Variants in RAP1GAP2 observed in about 807,000 individuals in gnomAD.
RAP1GAP2 encodes the protein rap1 GTPase-activating protein 2.
A neutral mutation model predicts 95.0 loss-of-function variants in RAP1GAP2; 27 were observed. The ratio of observed to expected loss-of-function variants is 0.28; its 90% CI spans 0.21 to 0.39. The LOEUF is 0.39. Ranked by LOEUF, RAP1GAP2 falls within the 10% of genes least tolerant of loss-of-function variation. The pLI is 1.00. For missense variants in RAP1GAP2, 771 were observed against 970.0 expected (o/e 0.79, Z 2.72); for synonymous variants, 373 against 380.9 (o/e 0.98, Z 0.24).
chr17:2,897,063 G>A lies in RAP1GAP2; in HGVS notation c.81-8221G>A, dbSNP rs1218810277. Among the ~76,000 whole-genome samples the A allele has an allele frequency of 4.1e-4, 63 of 152,342 alleles. 1 individual carries two copies. Among genetic ancestry groups the A allele is most frequent in the Admixed American group, 4.0e-3 (61 of 15,302 alleles). ...TTATAAACGGGTGTCCAGGCCAGGT[G>A]CGCTGGCTCACGCCTATAATCCCAG... On this transcript the variant is annotated intron_variant, in intron 2 of 24. Coordinates refer to ENST00000254695, the MANE Select transcript of RAP1GAP2 (RefSeq NM_015085.5).
Position 2,913,496 on chromosome 17 carries a change from T to C in RAP1GAP2, c.165+8128T>C, listed in dbSNP as rs550559997. Among the ~76,000 whole-genome samples the C allele has an allele frequency of 3.0e-4, 46 of 152,016 alleles. 1 individual carries two copies. The highest frequency in any genetic ancestry group is 1.1e-3 in the African/African-American group (46 of 41,458). Reference sequence around the variant, plus strand: ...TAGAGATGGGGTTTCACCATGTTGGTCAGGCTGCTCTCAAACTCCTGACCT... The same window carrying C: ...TAGAGATGGGGTTTCACCATGTTGGCCAGGCTGCTCTCAAACTCCTGACCT... On this transcript the variant is annotated intron_variant, in intron 3 of 24. Coordinates refer to ENST00000254695, the MANE Select transcript of RAP1GAP2 (RefSeq NM_015085.5).
chr17:2,883,107 A>T (rs1306588630), intron 2 of RAP1GAP2, among the ~76,000 whole-genome samples: 1 of 152,152 alleles, frequency 6.6e-6, no homozygotes, highest in African/African-American at 2.4e-5. Context: ...AGCAGCTTCC[A>T]GGGGCTACCT....
chr17:2,925,672 G>A (rs1048084510), intron 3 of RAP1GAP2, among the ~76,000 whole-genome samples: 1 of 152,184 alleles, frequency 6.6e-6, no homozygotes, highest in African/African-American at 2.4e-5. Flanking sequence ...GGTTGATTCT[G>A]GGGCTTGGAA....
At chr17:2,914,804 T>TG (rs1160363268) in intron 3 of RAP1GAP2, among the ~76,000 whole-genome samples, 1 of 131,546 alleles carries the variant, frequency 7.6e-6, no homozygotes, top group African/African-American at 2.9e-5. Flanking sequence ...CTTTTTTTTT[T>TG]TTTTTGAGAC....
chr17:2,840,953 G>A (rs1239100537), intron 2 of RAP1GAP2, among the ~76,000 whole-genome samples: 1 of 151,968 alleles, frequency 6.6e-6, no homozygotes, highest in Non-Finnish European at 1.5e-5. Context: ...AGCCGAGATT[G>A]CGCCACTGCA....
intron 2 of RAP1GAP2, among the ~76,000 whole-genome samples, chr17:2,874,228 A>C (rs951975545): frequency 2.0e-5 from 3 of 152,200 alleles, no homozygotes; most frequent in African/African-American, 7.2e-5. Context: ...CTGGGGAACA[A>C]TGGGTACACC....
At chr17:2,911,464 C>G (rs2042379367) in intron 3 of RAP1GAP2, among the ~76,000 whole-genome samples, 1 of 151,712 alleles carries the variant, frequency 6.6e-6, no homozygotes. Context: ...ATTTTCATGC[C>G]CCAATGGATC....
chr17:2,883,658 C>T (rs1173483202), intron 2 of RAP1GAP2, among the ~76,000 whole-genome samples: 7 of 152,180 alleles, frequency 4.6e-5, no homozygotes, highest in Admixed American at 4.6e-4. Context: ...TCTCTTCTAT[C>T]TGCGGCCTAG....
At position 2,980,363 on chromosome 17, in the gene RAP1GAP2, A is replaced by C. The variant is rs2045313303; in HGVS notation, c.673A>C (p.Lys225Gln). 6.2e-7 allele frequency: 1 copy of C among 1,613,880 alleles called. No homozygotes were observed. Among genetic ancestry groups the C allele is most frequent in the Non-Finnish European group, 8.5e-7 (1 of 1,179,842 alleles). Reference protein sequence around the residue: ...SKLPSVPQIAKAFCDDAVGLR... With the variant: ...SKLPSVPQIAQAFCDDAVGLR... ...GCTTCCCAGTGTCCCTCAGATTGCA[A>C]AGGTGAGAAACCAACCCGTGAGAGA... The change falls in exon 9 of 25, where the codon AAG becomes CAG. Residue 225 changes from lysine to glutamine, a missense_variant and splice_region_variant. Lys to Gln is a moderately conservative substitution (Grantham distance 53). Coordinates refer to ENST00000254695, the MANE Select transcript of RAP1GAP2 (RefSeq NM_015085.5).
At chr17:2,763,814 G>T (rs1016473710) in intron 1 of RAP1GAP2, among the ~76,000 whole-genome samples, 5 of 152,116 alleles carry the variant, frequency 3.3e-5, no homozygotes, top group African/African-American at 1.2e-4. Context: ...TGAAGGCTGT[G>T]CAGGTGGCCG....
At chr17:2,936,033 G>T (rs527315839) in intron 3 of RAP1GAP2, among the ~76,000 whole-genome samples, 9 of 152,180 alleles carry the variant, frequency 5.9e-5, no homozygotes, top group African/African-American at 2.2e-4. Flanking sequence ...TTTGACGGTG[G>T]GGAGATGTGC....
intron 8 of RAP1GAP2, among the ~76,000 whole-genome samples, chr17:2,977,123 CAAAA>C (rs71377561): frequency 1.3e-5 from 1 of 77,666 alleles, no homozygotes; most frequent in African/African-American, 5.0e-5. Context: ...AACTCCATCT[CAAAA>C]AAAAAAAAAA....
At chr17:2,779,412 G>A (rs932892185) in intron 1 of RAP1GAP2, among the ~76,000 whole-genome samples, 2 of 152,296 alleles carry the variant, frequency 1.3e-5, no homozygotes, top group East Asian at 3.9e-4. Flanking sequence ...AGGTGGGTCC[G>A]CATAAGAGGA....
intron 2 of RAP1GAP2, among the ~76,000 whole-genome samples, chr17:2,846,404 G>GTTTGT (rs777092074): frequency 1.1e-4 from 16 of 152,102 alleles, no homozygotes; most frequent in Admixed American, 2.6e-4. Context: ...GACTTTGGCG[G>GTTTGT]TTTGTTTTGT....
chr17:2,822,250 A>G (rs1271801122), intron 2 of RAP1GAP2, among the ~76,000 whole-genome samples: 1 of 152,204 alleles, frequency 6.6e-6, no homozygotes, highest in African/African-American at 2.4e-5. Flanking sequence ...TCACACATAC[A>G]GCCTCATTCA....
chr17:2,928,568 CCTT>C (rs1285336259), intron 3 of RAP1GAP2, among the ~76,000 whole-genome samples: 2 of 152,168 alleles, frequency 1.3e-5, no homozygotes, highest in Admixed American at 6.6e-5. Flanking sequence ...CATGGAAAGT[CCTT>C]CTCGTGGTCC....
chr17:2,818,875 T>TTA lies in RAP1GAP2; in HGVS notation c.80+18325_80+18326insTA, dbSNP rs572218140. On this transcript the variant is annotated intron_variant, in intron 2 of 24. Coordinates refer to ENST00000254695, the MANE Select transcript of RAP1GAP2 (RefSeq NM_015085.5). ...TTGAAACTGGACTAATAGCAAAGCC[T>TTA]GAAACCTACTGCAAGGGTTGTTTTG... is the stretch of plus-strand genomic sequence containing the variant. 4.5e-3 allele frequency among the ~76,000 whole-genome samples: 686 copies of TTA among 152,284 alleles called. 5 individuals carry two copies. Among genetic ancestry groups the TTA allele is most frequent in the African/African-American group, 0.016 (648 of 41,566 alleles).
chr17:3,010,208 C>T (rs900334430), intron 17 of RAP1GAP2, among the ~76,000 whole-genome samples: 3 of 151,716 alleles, frequency 2.0e-5, no homozygotes, highest in Admixed American at 6.6e-5. Flanking sequence ...GGCGTGGTGA[C>T]GTGAGCCTGT....
rs532654983 is a variant in RAP1GAP2 at position 3,029,534 on chromosome 17, C to T, written c.2108-1388C>T. 2.0e-5 allele frequency among the ~76,000 whole-genome samples: 3 copies of T among 152,216 alleles called. No homozygotes were observed. The highest frequency in any genetic ancestry group is 4.8e-5 in the African/African-American group (2 of 41,520). On this transcript the variant is annotated intron_variant, in intron 22 of 24. Coordinates refer to ENST00000254695, the MANE Select transcript of RAP1GAP2 (RefSeq NM_015085.5). The surrounding 1 kb of genome is among the most constrained non-coding windows in gnomAD (Gnocchi z 4.4). ...GGGGAGAGGTGGCCTGACGTCCTGA[C>T]GTACAGTCTCCATAATGTCAGATAT...
Sources: allele counts gnomAD v4.1 joint callset (sites outside exome capture counted in the v4.1 genomes callset), GRCh38; gene constraint gnomAD v4.1.1; non-coding constraint Gnocchi (gnomAD v3.1); transcripts MANE v1.5; gene names NCBI Gene and HGNC (gene_info 2026-07-23, HGNC 2026-07-21).